GALNTL6: variants seen among roughly 807,000 people sequenced by gnomAD.
GALNTL6 encodes the protein polypeptide N-acetylgalactosaminyltransferase like 6.
In GALNTL6, 46 loss-of-function variants were observed where a neutral mutation model predicts 73.7. The observed-to-expected ratio is 0.62, with a 90% confidence interval of 0.49 to 0.80. The LOEUF (loss-of-function observed/expected upper bound fraction) is 0.80, where lower values mean the gene tolerates loss of function less well. Ranked by LOEUF, GALNTL6 falls within the 30% of genes least tolerant of loss-of-function variation. GALNTL6 has a pLI of 0.00. For missense variants in GALNTL6, 604 were observed against 755.0 expected, an observed-to-expected ratio of 0.80 and a Z score of 2.34; for synonymous variants, 259 against 263.7, an observed-to-expected ratio of 0.98 and a Z score of 0.17.
intron 5 of GALNTL6, among the ~76,000 whole-genome samples, chr4:172,413,934 TTATC>T (rs1366122893): frequency 5.3e-5 from 8 of 152,162 alleles, no homozygotes; most frequent in African/African-American, 1.9e-4. Context: ...AAGATAGACT[TTATC>T]TATATCAATT....
At chr4:172,978,059 T>C (rs1039313068) in intron 10 of GALNTL6, among the ~76,000 whole-genome samples, 4 of 152,200 alleles carry the variant, frequency 2.6e-5, no homozygotes, top group African/African-American at 9.6e-5. Context: ...CAAGCTGGTC[T>C]CAAAACTCCT....
chr4:172,153,924 C>G (rs930390681), intron 2 of GALNTL6, among the ~76,000 whole-genome samples: 4 of 152,146 alleles, frequency 2.6e-5, no homozygotes, highest in African/African-American at 7.2e-5. Context: ...TGCCAAAAGG[C>G]GGCTGAGGCT....
At chr4:171,826,978 T>G (rs1579487818) in intron 2 of GALNTL6, among the ~76,000 whole-genome samples, 1 of 152,016 alleles carries the variant, frequency 6.6e-6, no homozygotes, top group Admixed American at 6.6e-5. Flanking sequence ...TCATCGGGAG[T>G]GTCAACCTTA....
At chr4:172,166,791 C>T (rs1161986519) in intron 2 of GALNTL6, among the ~76,000 whole-genome samples, 1 of 152,158 alleles carries the variant, frequency 6.6e-6, no homozygotes, top group Non-Finnish European at 1.5e-5. Context: ...TGAATTTGTA[C>T]ATAATCTACA....
chr4:172,289,791 A>G (rs1739399739), intron 3 of GALNTL6, among the ~76,000 whole-genome samples: 1 of 152,188 alleles, frequency 6.6e-6, no homozygotes, highest in African/African-American at 2.4e-5. Context: ...AAGCTCAGTA[A>G]GTGAGTAGTA....
intron 8 of GALNTL6, among the ~76,000 whole-genome samples, chr4:172,883,570 C>T (rs1033397279): frequency 2.6e-5 from 4 of 152,154 alleles, no homozygotes; most frequent in African/African-American, 7.2e-5. Context: ...AAGGGGATGG[C>T]GCTAAGCCTA....
chr4:172,838,136 G>A (rs1743011232), intron 7 of GALNTL6, among the ~76,000 whole-genome samples: 1 of 151,846 alleles, frequency 6.6e-6, no homozygotes, highest in South Asian at 2.1e-4. Context: ...GGAAGTGGGG[G>A]CAGTTGAGAG....
At chr4:172,693,162 C>T (rs945018286) in intron 5 of GALNTL6, among the ~76,000 whole-genome samples, 1 of 152,112 alleles carries the variant, frequency 6.6e-6, no homozygotes, top group Non-Finnish European at 1.5e-5. Context: ...TTCTCTAAAT[C>T]AGAATGCTAA....
chr4:172,165,601 A>G (rs1734598039), intron 2 of GALNTL6, among the ~76,000 whole-genome samples: 3 of 152,168 alleles, frequency 2.0e-5, no homozygotes, highest in Admixed American at 2.0e-4. Flanking sequence ...CTGTTTTACT[A>G]TTTTATGAGA....
At chr4:172,778,591 A>G (rs907539960) in intron 5 of GALNTL6, among the ~76,000 whole-genome samples, 3 of 152,216 alleles carry the variant, frequency 2.0e-5, no homozygotes, top group African/African-American at 7.2e-5. Flanking sequence ...TGAAGTGCCA[A>G]TGTGCAAAAT....
chr4:172,474,282 G>A (rs1316895027), intron 5 of GALNTL6, among the ~76,000 whole-genome samples: 3 of 151,976 alleles, frequency 2.0e-5, no homozygotes, highest in Admixed American at 6.6e-5. Context: ...GCAAGCTGCC[G>A]GCCCCACCCT....
chr4:172,218,798 A>T (rs1411338669), intron 2 of GALNTL6, among the ~76,000 whole-genome samples: 1 of 151,984 alleles, frequency 6.6e-6, no homozygotes, highest in African/African-American at 2.4e-5. Flanking sequence ...AAAGATCTGA[A>T]TGTTAATAAC....
At chr4:172,216,644 A>C (rs915916339) in intron 2 of GALNTL6, among the ~76,000 whole-genome samples, 2 of 152,104 alleles carry the variant, frequency 1.3e-5, no homozygotes, top group African/African-American at 4.8e-5. Context: ...CAAATATTTT[A>C]TCTCTCAGTT....
At chr4:173,039,388 G>A (rs1488357732) in intron 12 of GALNTL6, among the ~76,000 whole-genome samples, 2 of 143,286 alleles carry the variant, frequency 1.4e-5, no homozygotes, top group Admixed American at 7.1e-5. Flanking sequence ...CTGAGAACCC[G>A]GCACTTTTGA....
chr4:172,331,342 C>T (rs1199018007), intron 4 of GALNTL6, among the ~76,000 whole-genome samples: 8 of 151,890 alleles, frequency 5.3e-5, no homozygotes, highest in South Asian at 2.1e-4. Flanking sequence ...TGCAGTGGTG[C>T]GATCTGGGCT....
chr4:171,953,022 A>G (rs919260791), intron 2 of GALNTL6, among the ~76,000 whole-genome samples: 2 of 152,198 alleles, frequency 1.3e-5, no homozygotes, highest in African/African-American at 4.8e-5. Flanking sequence ...AGCATTTACA[A>G]TGAAAATTAA....
chr4:172,393,494 T>A (rs146056363), intron 5 of GALNTL6, among the ~76,000 whole-genome samples: 1 of 152,332 alleles, frequency 6.6e-6, no homozygotes, highest in East Asian at 1.9e-4. Flanking sequence ...AAGTTTCATT[T>A]TCAGGAAACA....
chr4:173,037,327 TC>T (rs1411060803), intron 12 of GALNTL6, among the ~76,000 whole-genome samples: 1 of 151,960 alleles, frequency 6.6e-6, no homozygotes, highest in Non-Finnish European at 1.5e-5. Context: ...ATTTATCTAA[TC>T]CCCCCCACCT....
intron 2 of GALNTL6, among the ~76,000 whole-genome samples, chr4:172,180,208 T>G (rs1735194105): frequency 6.6e-6 from 1 of 152,176 alleles, no homozygotes; most frequent in African/African-American, 2.4e-5. Context: ...GATGATGAGC[T>G]TTTTTTCATA....
Sources: gnomAD v4.1 joint callset for allele counts (sites outside exome capture counted in the v4.1 genomes callset) on GRCh38, gnomAD v4.1.1 for gene constraint, MANE v1.5 for transcripts, NCBI Gene and HGNC (gene_info 2026-07-23, HGNC 2026-07-21) for gene names.